The following PVT1 variants were observed in gnomAD, a reference collection of about 807,000 sequenced individuals.
PVT1 encodes Pvt1 oncogene, also known as CXCR4/PVT1 fusion.
chr8:127,839,145 G>A (rs577566845), intron 2 of PVT1, among the ~76,000 whole-genome samples: 2 of 152,282 alleles, frequency 1.3e-5, no homozygotes, highest in South Asian at 4.1e-4. Flanking sequence ...TTCTCAGAAT[G>A]TATCTCTACC....
chr8:127,960,677 A>G (rs574488904), intron 3 of PVT1: 5 of 527,404 alleles, frequency 9.5e-6, no homozygotes, highest in African/African-American at 3.9e-5. Context: ...CTTCCTGTCA[A>G]CCCTGTTCTG....
intron 3 of PVT1, among the ~76,000 whole-genome samples, chr8:127,921,841 A>G (rs900280416): frequency 6.7e-5 from 9 of 134,662 alleles, no homozygotes; most frequent in Non-Finnish European, 1.4e-4. Context: ...AAAAATTATA[A>G]TTTTTGGTTC....
chr8:127,889,033 T>TCTCCTCC (rs1491272967), intron 2 of PVT1, among the ~76,000 whole-genome samples: 1 of 72,516 alleles, frequency 1.4e-5, no homozygotes, highest in Admixed American at 1.1e-4. Flanking sequence ...CCTTTCTCTC[T>TCTCCTCC]TTCTTTCTTC....
At chr8:127,811,132 G>T (rs1463949310) in intron 2 of PVT1, among the ~76,000 whole-genome samples, 1 of 152,124 alleles carries the variant, frequency 6.6e-6, no homozygotes, top group Non-Finnish European at 1.5e-5. Context: ...TTAGAGAGAG[G>T]TTGCTAGATG....
At chr8:127,803,627 G>A (rs953924064) in intron 2 of PVT1, 2 of 152,272 alleles carry the variant, frequency 1.3e-5, no homozygotes, top group African/African-American at 4.8e-5. Context: ...TGTGGCTTAT[G>A]CCTGTAATCC....
At chr8:127,995,212 C>A (rs1351082753) in intron 4 of PVT1, among the ~76,000 whole-genome samples, 1 of 152,156 alleles carries the variant, frequency 6.6e-6, no homozygotes, top group Non-Finnish European at 1.5e-5. Flanking sequence ...AAAACAAGGA[C>A]CCTGAATCAA....
In PVT1 at chr8:127,850,434, C is replaced by T. The variant is rs7824046; in HGVS notation, n.373-40155C>T. ...ATGTTTGCACTTTTGGTTATGATGC[C>T]ACGGCCCTGGTTCAGGTATCCTAAA... On this transcript the variant is annotated intron_variant and non_coding_transcript_variant, in intron 2 of 10. Transcript: ENST00000651587. Among the ~76,000 whole-genome samples, 1,070 of 152,234 alleles carry T rather than the reference C, an allele frequency of 7.0e-3. 13 individuals are homozygous for T. The highest frequency in any genetic ancestry group is 0.025 in the African/African-American group (1,020 of 41,536).
intron 4 of PVT1, among the ~76,000 whole-genome samples, chr8:128,040,086 C>T (rs1040198524): frequency 2.6e-5 from 4 of 152,242 alleles, no homozygotes; most frequent in Non-Finnish European, 4.4e-5. Flanking sequence ...CAAGTGGAGA[C>T]AGTAAGGAGG....
At chr8:127,868,885 A>G (rs1157259298) in intron 2 of PVT1, among the ~76,000 whole-genome samples, 1 of 148,810 alleles carries the variant, frequency 6.7e-6, no homozygotes, top group African/African-American at 2.5e-5. Context: ...AAATTTCCCA[A>G]AACAAACCCA....
intron 3 of PVT1, among the ~76,000 whole-genome samples, chr8:127,931,744 G>A (rs894467110): frequency 1.3e-5 from 2 of 152,240 alleles, no homozygotes; most frequent in Admixed American, 6.5e-5. Flanking sequence ...TTCACTCAGC[G>A]CGAGCCAAGC....
At chr8:127,839,536 T>G in intron 2 of PVT1, among the ~76,000 whole-genome samples, 1 of 135,032 alleles carries the variant, frequency 7.4e-6, no homozygotes, top group African/African-American at 2.8e-5. Context: ...GGTGAGAGAG[T>G]GAGATCCTAT....
At chr8:127,908,343 T>C (rs546641912) in intron 3 of PVT1, among the ~76,000 whole-genome samples, 1 of 140,042 alleles carries the variant, frequency 7.1e-6, no homozygotes, top group South Asian at 2.4e-4. Context: ...CTTTTTTCTT[T>C]CTTTCTTTTT....
chr8:127,991,932 C>T (rs965486114), intron 4 of PVT1, among the ~76,000 whole-genome samples: 6 of 152,126 alleles, frequency 3.9e-5, no homozygotes, highest in Admixed American at 2.6e-4. Flanking sequence ...ACCCATGAGT[C>T]GGGACTGTTG....
intron 4 of PVT1, among the ~76,000 whole-genome samples, chr8:128,011,461 C>T (rs112801046): frequency 6.6e-6 from 1 of 152,126 alleles, no homozygotes; most frequent in South Asian, 2.1e-4. Context: ...TCTCTCTTCT[C>T]TCTCTGCTAC....
intron 4 of PVT1, among the ~76,000 whole-genome samples, chr8:128,054,525 G>A (rs1298656984): frequency 1.3e-5 from 2 of 152,150 alleles, no homozygotes; most frequent in African/African-American, 2.4e-5. Flanking sequence ...CCTAATTGTT[G>A]CCATCCTCAG....
At chr8:128,061,284 C>T (rs116156457) in intron 4 of PVT1, among the ~76,000 whole-genome samples, 2 of 152,328 alleles carry the variant, frequency 1.3e-5, no homozygotes, top group South Asian at 2.1e-4. Context: ...AACTTCTTCA[C>T]TTGGCATAAT....
intron 3 of PVT1, among the ~76,000 whole-genome samples, chr8:127,983,373 C>CACATTTGTG (rs1816906789): frequency 1.3e-5 from 2 of 152,136 alleles, no homozygotes; most frequent in Admixed American, 6.5e-5. Context: ...ATTAAGGTGA[C>CACATTTGTG]ATAGGTTTTT....
At chr8:127,839,166 G>A (rs922755938) in intron 2 of PVT1, among the ~76,000 whole-genome samples, 1 of 152,122 alleles carries the variant, frequency 6.6e-6, no homozygotes, top group African/African-American at 2.4e-5. Flanking sequence ...CTTAAGCAAC[G>A]TGTGACTGTC....
At chr8:127,948,283 A>G (rs1038773930) in intron 3 of PVT1, 4 of 238,288 alleles carry the variant, frequency 1.7e-5, no homozygotes, top group African/African-American at 4.5e-5. Flanking sequence ...GCTTGTGCCC[A>G]TGGTAGGTCC....
Sources: gnomAD v4.1 joint callset for allele counts (sites outside exome capture counted in the v4.1 genomes callset) on GRCh38, gnomAD v4.1.1 for gene constraint, MANE v1.5 for transcripts, NCBI Gene and HGNC (gene_info 2026-07-23, HGNC 2026-07-21) for gene names.